TMTC2: variants seen among roughly 807,000 people sequenced by gnomAD.
TMTC2 encodes the protein transmembrane O-mannosyltransferase targeting cadherins 2.
In TMTC2, 43 loss-of-function variants were observed where a neutral mutation model predicts 82.4. The ratio of observed to expected loss-of-function variants is 0.52; its 90% CI spans 0.41 to 0.67. The LOEUF (loss-of-function observed/expected upper bound fraction) is 0.67, where lower values mean the gene tolerates loss of function less well. Among genes scored for constraint, TMTC2 ranks in the 30% least tolerant of loss-of-function variants. The pLI, the probability that TMTC2 is intolerant of heterozygous loss-of-function variation, is 0.00. For synonymous variants in TMTC2, 408 were observed against 381.9 expected (o/e 1.07, Z -0.80); for missense variants, 919 against 1,012.4 (o/e 0.91, Z 1.25).
chr12:82,733,816 G>A (rs1313193546), intron 1 of TMTC2, among the ~76,000 whole-genome samples: 1 of 152,180 alleles, frequency 6.6e-6, no homozygotes, highest in Non-Finnish European at 1.5e-5. Flanking sequence ...TAGAAAGATG[G>A]AGCATATTCC....
At chr12:82,910,061 C>T (rs1319717531) in intron 3 of TMTC2, among the ~76,000 whole-genome samples, 4 of 152,110 alleles carry the variant, frequency 2.6e-5, no homozygotes, top group South Asian at 2.1e-4. Flanking sequence ...AGCAGATTTT[C>T]GAGAGGACAA....
rs566141737 is a variant in TMTC2, at chr12:82,735,411, T to G, written c.83+47742T>G. Among the ~76,000 whole-genome samples, 4 of 151,484 alleles carry G rather than the reference T, an allele frequency of 2.6e-5. No homozygotes were observed. In the East Asian group the frequency reaches 8.0e-4, roughly 30 times the overall value. The stretch of plus-strand genomic sequence containing the variant: ...CCCAGGCTGGAGTGCAGTGGCGCGA[T>G]CTCGGCTCACTGCAAGCTCCGCCTC... On this transcript the variant is annotated intron_variant, in intron 1 of 11. Coordinates refer to ENST00000321196, the MANE Select transcript of TMTC2 (RefSeq NM_152588.3).
chr12:82,839,616 G>A (rs1322124602), intron 1 of TMTC2, among the ~76,000 whole-genome samples: 1 of 152,198 alleles, frequency 6.6e-6, no homozygotes, highest in African/African-American at 2.4e-5. Context: ...AATTGGAAAT[G>A]CCTGGCTAGT....
At chr12:83,022,855 G>A (rs1408638013) in intron 8 of TMTC2, among the ~76,000 whole-genome samples, 1 of 152,104 alleles carries the variant, frequency 6.6e-6, no homozygotes, top group Non-Finnish European at 1.5e-5. Context: ...ATTTAGCACT[G>A]GATCTTGAAG....
At chr12:82,991,238 GT>G (rs142359129) in intron 8 of TMTC2, among the ~76,000 whole-genome samples, 4 of 151,454 alleles carry the variant, frequency 2.6e-5, no homozygotes, top group Admixed American at 6.6e-5. Flanking sequence ...TAAGTGTGGA[GT>G]TTTTTTTTCC....
At chr12:82,858,501 G>T (rs1172102225) in intron 2 of TMTC2, among the ~76,000 whole-genome samples, 2 of 152,160 alleles carry the variant, frequency 1.3e-5, no homozygotes, top group Non-Finnish European at 2.9e-5. Flanking sequence ...TAAGGTTTTG[G>T]ATACTTTGCT....
chr12:82,931,478 T>C (rs1876025615), intron 4 of TMTC2, among the ~76,000 whole-genome samples: 2 of 152,164 alleles, frequency 1.3e-5, no homozygotes, highest in African/African-American at 4.8e-5. Context: ...AGTAGATAAA[T>C]GCAAACCAAA....
chr12:82,745,602 G>A (rs1875648402), intron 1 of TMTC2, among the ~76,000 whole-genome samples: 1 of 152,184 alleles, frequency 6.6e-6, no homozygotes, highest in Non-Finnish European at 1.5e-5. Context: ...GCAGACAAGA[G>A]CCTAGAGAAA....
chr12:83,084,785 T>TG (rs1883595048), intron 11 of TMTC2, among the ~76,000 whole-genome samples: 1 of 152,214 alleles, frequency 6.6e-6, no homozygotes, highest in Non-Finnish European at 1.5e-5. Context: ...GGGGACAGTG[T>TG]GCCTAGCACC....
At chr12:82,898,758 A>G (rs918739263) in intron 3 of TMTC2, among the ~76,000 whole-genome samples, 1 of 152,208 alleles carries the variant, frequency 6.6e-6, no homozygotes, top group African/African-American at 2.4e-5. Flanking sequence ...TGCACACACC[A>G]TGCTTGTTCA....
chr12:82,837,102 A>T (rs1177118959), intron 1 of TMTC2, among the ~76,000 whole-genome samples: 2 of 152,222 alleles, frequency 1.3e-5, no homozygotes, highest in African/African-American at 4.8e-5. Flanking sequence ...CAAAAACTGA[A>T]GCCTATTCTT....
intron 8 of TMTC2, among the ~76,000 whole-genome samples, chr12:82,993,958 T>A (rs1014429590): frequency 2.7e-5 from 4 of 147,252 alleles, no homozygotes; most frequent in Non-Finnish European, 4.4e-5. Flanking sequence ...TTAGGCTGAA[T>A]GCTTGCAGAC....
chr12:83,053,735 T>G (rs909406249), intron 10 of TMTC2, among the ~76,000 whole-genome samples: 3 of 152,068 alleles, frequency 2.0e-5, no homozygotes, highest in African/African-American at 7.2e-5. Flanking sequence ...TAAGCTAATA[T>G]AAAGTTTTGA....
At chr12:82,771,070 G>A (rs1003577978) in intron 1 of TMTC2, among the ~76,000 whole-genome samples, 1 of 152,036 alleles carries the variant, frequency 6.6e-6, no homozygotes, top group Admixed American at 6.6e-5. Context: ...AGCCAGGCAT[G>A]GTGGCACTCA....
chr12:82,824,402 T>C (rs1869290801), intron 1 of TMTC2, among the ~76,000 whole-genome samples: 2 of 152,308 alleles, frequency 1.3e-5, no homozygotes, highest in East Asian at 3.9e-4. Context: ...TTATAATAAT[T>C]TGGTTCAGGA....
chr12:82,963,798 T>C (rs1362505066), intron 4 of TMTC2, among the ~76,000 whole-genome samples: 1,258 of 6,496 alleles, frequency 0.19, 447 homozygotes, highest in Middle Eastern at 0.35. Flanking sequence ...TTTTCATATA[T>C]ATATATATAT....
At chr12:82,889,363 T>A (rs902753935) in intron 2 of TMTC2, among the ~76,000 whole-genome samples, 5 of 152,188 alleles carry the variant, frequency 3.3e-5, no homozygotes, top group African/African-American at 9.6e-5. Context: ...GCATATTTTT[T>A]AAATCTAGTC....
Position 82,857,407 on chromosome 12 carries a change from A to G in TMTC2, c.481A>G (p.Thr161Ala). The change falls in exon 2 of 12, where the codon ACA becomes GCA. Residue 161 changes from threonine to alanine, a missense_variant. Thr to Ala is a moderately conservative substitution (Grantham distance 58). Coordinates refer to ENST00000321196, the MANE Select transcript of TMTC2 (RefSeq NM_152588.3). ...SLLCYIKHCSTRGYSARTWGW... is the reference protein window; with the variant it reads ...SLLCYIKHCSARGYSARTWGW... ...GCTCTGCTACATTAAACACTGTTCTACAAGAGGCTACTCAGCCAGAACCTG... is the reference window on the plus strand; with the variant it reads ...GCTCTGCTACATTAAACACTGTTCTGCAAGAGGCTACTCAGCCAGAACCTG... 2 of 1,614,166 alleles carry G rather than the reference A, an allele frequency of 1.2e-6. No individual in the cohort carries two copies. Among genetic ancestry groups the G allele is most frequent in the Non-Finnish European group, 1.7e-6 (2 of 1,180,042 alleles).
At position 82,879,306 on chromosome 12, in the gene TMTC2, T is replaced by G. The variant is rs533481989; in HGVS notation, c.655-16512T>G. On this transcript the variant is annotated intron_variant, in intron 2 of 11. Coordinates refer to ENST00000321196, the MANE Select transcript of TMTC2 (RefSeq NM_152588.3). ...TCCCCAACCTTTTTGGCCGGTTTCA[T>G]GGAAGACAATTTTTCCATGGACTGG... Among the ~76,000 whole-genome samples, 3 of 152,330 alleles carry G rather than the reference T, an allele frequency of 2.0e-5. No homozygotes were observed. In the South Asian group the frequency reaches 6.2e-4, roughly 32 times the overall value.
Sources: gnomAD v4.1 joint callset for allele counts (sites outside exome capture counted in the v4.1 genomes callset) on GRCh38, gnomAD v4.1.1 for gene constraint, MANE v1.5 for transcripts, NCBI Gene and HGNC (gene_info 2026-07-23, HGNC 2026-07-21) for gene names.